PLCB1: variants seen among roughly 807,000 people sequenced by gnomAD.
The protein encoded by PLCB1 is phospholipase C beta 1, also known as 1-phosphatidylinositol 4,5-bisphosphate phosphodiesterase beta-1.
A neutral mutation model predicts 161.8 loss-of-function variants in PLCB1; 46 were observed. The ratio of observed to expected loss-of-function variants is 0.28; its 90% confidence interval spans 0.22 to 0.36. PLCB1 has a LOEUF of 0.36. Ranked by LOEUF, PLCB1 falls within the 10% of genes least tolerant of loss-of-function variation. The pLI is 1.00. For synonymous variants in PLCB1, 517 were observed against 503.7 expected (o/e 1.03, Z -0.35); for missense variants, 1,016 against 1,472.5 (o/e 0.69, Z 5.07).
In PLCB1 at chr20:8,774,839, A is replaced by T. The variant is rs80131314; in HGVS notation, c.3111+120A>T. On this transcript the variant is annotated intron_variant, in intron 27 of 31. Coordinates refer to ENST00000338037, the MANE Select transcript of PLCB1 (RefSeq NM_015192.4). Reference sequence around the variant, plus strand: ...GGTGTGACTGGCACCAACTTGAGAGATTGTTTAGGTGACACAGTGTCCATC... The same window carrying T: ...GGTGTGACTGGCACCAACTTGAGAGTTTGTTTAGGTGACACAGTGTCCATC... The T allele has an allele frequency of 2.4e-3, 1,614 of 675,860 alleles. 18 individuals carry two copies. The African/African-American group carries it at 0.027, about 11-fold the overall frequency. 41.9% of individuals were successfully genotyped at this position (675,860 alleles called of 1,614,324 possible).
At chr20:8,584,727 G>A (rs774113047) in intron 3 of PLCB1, among the ~76,000 whole-genome samples, 9 of 151,630 alleles carry the variant, frequency 5.9e-5, no homozygotes, top group East Asian at 1.9e-4. Context: ...GTCTCGCTCC[G>A]TCACCCAGGC....
At chr20:8,790,407 G>GA (rs749868739) in intron 31 of PLCB1, 146 bp downstream of exon 31, 16 of 586,780 alleles carry the variant, frequency 2.7e-5, no homozygotes, top group African/African-American at 1.9e-5. Flanking sequence ...CTCAATGAAG[G>GA]AAAAAATATA....
At chr20:8,690,828 T>C (rs1961598842) in intron 10 of PLCB1, among the ~76,000 whole-genome samples, 1 of 152,222 alleles carries the variant, frequency 6.6e-6, no homozygotes, top group Non-Finnish European at 1.5e-5. Context: ...CATAGTTATC[T>C]TGGCCTGTAC....
chr20:8,743,911 A>G (rs1360025591), intron 23 of PLCB1, among the ~76,000 whole-genome samples: 1 of 152,150 alleles, frequency 6.6e-6, no homozygotes, highest in African/African-American at 2.4e-5. Context: ...CTCTTTGGAA[A>G]TCCACCAAAG....
intron 2 of PLCB1, among the ~76,000 whole-genome samples, chr20:8,183,696 T>A (rs955801904): frequency 3.9e-5 from 6 of 152,194 alleles, no homozygotes; most frequent in Admixed American, 3.3e-4. Flanking sequence ...TAGTTCGGAA[T>A]GTCAAGTATG....
In PLCB1 at chr20:8,281,049, C is replaced by T. The variant is rs79741460; in HGVS notation, c.178-90333C>T. ...TTCTGGCCTGTGTACCTTTCTATGGCTACATAAAAAAATTAATAACCTTTC... is the reference window on the plus strand; with the variant it reads ...TTCTGGCCTGTGTACCTTTCTATGGTTACATAAAAAAATTAATAACCTTTC... On this transcript the variant is annotated intron_variant, in intron 2 of 31. Transcript: ENST00000338037. Among the ~76,000 whole-genome samples, 9 of 152,228 alleles carry T rather than the reference C, an allele frequency of 5.9e-5. No individual in the cohort carries two copies. In the East Asian group the frequency reaches 1.4e-3, roughly 23 times the overall value.
At chr20:8,535,130 AGAGTC>A in intron 3 of PLCB1, among the ~76,000 whole-genome samples, 1 of 140,800 alleles carries the variant, frequency 7.1e-6, no homozygotes, top group Non-Finnish European at 1.5e-5. Flanking sequence ...AAAAAAGGAT[AGAGTC>A]AATTTGGAAT....
intron 4 of PLCB1, among the ~76,000 whole-genome samples, chr20:8,628,932 CAA>C (rs540325935): frequency 4.8e-5 from 7 of 144,428 alleles, no homozygotes; most frequent in African/African-American, 1.2e-4. Flanking sequence ...GACTGTATCT[CAA>C]AAAAAAAAAA....
At position 8,425,856 on chromosome 20, in the gene PLCB1, T is replaced by C. The variant is rs541282281; in HGVS notation, c.246+54406T>C. ...ATGGGCTTCCATGTTAGATCTTCAC[T>C]ACATCCAATTTCAGAAAAAAAAAAA... On this transcript the variant is annotated intron_variant, in intron 3 of 31. Transcript: ENST00000338037. Among the ~76,000 whole-genome samples, 4 of 151,502 alleles carry C rather than the reference T, an allele frequency of 2.6e-5. No individual in the cohort carries two copies. The South Asian group carries it at 8.3e-4, about 31-fold the overall frequency.
intron 23 of PLCB1, among the ~76,000 whole-genome samples, chr20:8,744,121 C>T (rs1981023406): frequency 6.6e-6 from 1 of 151,876 alleles, no homozygotes; most frequent in Non-Finnish European, 1.5e-5. Flanking sequence ...CCCTATGACA[C>T]ACCTATATGA....
chr20:8,469,396 T>C (rs1247527970), intron 3 of PLCB1, among the ~76,000 whole-genome samples: 2 of 152,174 alleles, frequency 1.3e-5, no homozygotes, highest in African/African-American at 4.8e-5. Flanking sequence ...AATATCCTAA[T>C]TCAAGTATCC....
At chr20:8,530,228 T>A (rs1984750407) in intron 3 of PLCB1, among the ~76,000 whole-genome samples, 1 of 152,146 alleles carries the variant, frequency 6.6e-6, no homozygotes, top group African/African-American at 2.4e-5. Context: ...TCATAAAGCA[T>A]CTCTCATATG....
At position 8,702,120 on chromosome 20, in the gene PLCB1, G is replaced by A. The variant is rs116676590; in HGVS notation, c.1167+4337G>A. On this transcript the variant is annotated intron_variant, in intron 11 of 31. Transcript: ENST00000338037. ...GGCATTTGCTCCCTGTTTACTGTAT[G>A]GGTCAAAATAAAAAGTTACGTTCTG... 1.3e-3 allele frequency among the ~76,000 whole-genome samples: 194 copies of A among 152,236 alleles called. 1 individual carries two copies. Among genetic ancestry groups the A allele is most frequent in the African/African-American group, 4.1e-3 (171 of 41,540 alleles).
chr20:8,372,383 A>G (rs1986931309), intron 3 of PLCB1, among the ~76,000 whole-genome samples: 1 of 152,212 alleles, frequency 6.6e-6, no homozygotes, highest in Non-Finnish European at 1.5e-5. Context: ...ATTATTCTTC[A>G]GAGGCGTAAA....
intron 3 of PLCB1, among the ~76,000 whole-genome samples, chr20:8,553,245 G>T (rs544961183): frequency 2.0e-5 from 3 of 152,090 alleles, no homozygotes; most frequent in Non-Finnish European, 4.4e-5. Context: ...GCAATTTCAG[G>T]GTTCCTTTTG....
intron 3 of PLCB1, among the ~76,000 whole-genome samples, chr20:8,506,620 T>C (rs1019910263): frequency 1.3e-5 from 2 of 152,204 alleles, no homozygotes; most frequent in Non-Finnish European, 2.9e-5. Flanking sequence ...TGTTGGTTGA[T>C]TATTTATAGG....
chr20:8,372,119 C>T (rs1284857444), intron 3 of PLCB1: 1 of 152,158 alleles, frequency 6.6e-6, no homozygotes, highest in African/African-American at 2.4e-5. Context: ...AAGTTAAAAG[C>T]TATTCTTCAT....
Position 8,486,564 on chromosome 20 carries a change from C to T in PLCB1, c.246+115114C>T, listed in dbSNP as rs373453840. ...ACTGCGGACTGCAGTGGCGCAATCT[C>T]GGCTCACTGCAAGCTCCGCTTCCCG... On this transcript the variant is annotated intron_variant, in intron 3 of 31. Coordinates refer to ENST00000338037, the MANE Select transcript of PLCB1 (RefSeq NM_015192.4). Among the ~76,000 whole-genome samples, 22 of 138,300 alleles carry T rather than the reference C, an allele frequency of 1.6e-4. No individual in the cohort carries two copies. In the South Asian group the frequency reaches 4.3e-3, roughly 27 times the overall value. 90.7% of individuals were successfully genotyped at this position (138,300 alleles called of 152,430 possible).
intron 25 of PLCB1, among the ~76,000 whole-genome samples, chr20:8,761,720 G>A (rs779588945): frequency 4.0e-5 from 6 of 150,176 alleles, no homozygotes; most frequent in East Asian, 2.0e-4. Flanking sequence ...GATTCTCCAC[G>A]TTGGCCAGGC....
Sources: gnomAD v4.1 joint callset for allele counts (sites outside exome capture counted in the v4.1 genomes callset) on GRCh38, gnomAD v4.1.1 for gene constraint, MANE v1.5 for transcripts, NCBI Gene and HGNC (gene_info 2026-07-23, HGNC 2026-07-21) for gene names.